Variants in LRRC4C observed in about 807,000 individuals in gnomAD.
The protein encoded by LRRC4C is leucine-rich repeat-containing protein 4C.
A neutral mutation model predicts 33.6 loss-of-function variants in LRRC4C; 5 were observed. The observed-to-expected ratio is 0.15, with a 90% CI of 0.08 to 0.31. LRRC4C has a LOEUF of 0.31. Among genes scored for constraint, LRRC4C ranks in the 10% least tolerant of loss-of-function variants. The probability of loss-of-function intolerance (pLI) is 1.00; values close to 1 mark genes in which losing one functional copy is unlikely to be tolerated. For missense variants in LRRC4C, 560 were observed against 796.7 expected, an observed-to-expected ratio of 0.70 and a Z score of 3.58; for synonymous variants, 329 against 302.0, an observed-to-expected ratio of 1.09 and a Z score of -0.93.
At chr11:41,160,676 T>C (rs1249376233) in intron 1 of LRRC4C, among the ~76,000 whole-genome samples, 1 of 152,150 alleles carries the variant, frequency 6.6e-6, no homozygotes, top group Admixed American at 6.6e-5. Flanking sequence ...GCTGGCTATA[T>C]AAAAATAAAT....
At chr11:40,285,540 T>C (rs574770653) in intron 4 of LRRC4C, among the ~76,000 whole-genome samples, 72 of 152,332 alleles carry the variant, frequency 4.7e-4, no homozygotes, top group African/African-American at 1.7e-3. Context: ...AGATGCCTTA[T>C]AACATTTTGC....
At chr11:40,801,233 G>C (rs1951028827) in intron 2 of LRRC4C, among the ~76,000 whole-genome samples, 1 of 152,046 alleles carries the variant, frequency 6.6e-6, no homozygotes, top group Non-Finnish European at 1.5e-5. Flanking sequence ...CAATTTATGA[G>C]AAAAATTTTA....
intron 2 of LRRC4C, among the ~76,000 whole-genome samples, chr11:40,791,372 C>G (rs1025514158): frequency 5.3e-5 from 8 of 152,068 alleles, no homozygotes; most frequent in Admixed American, 5.2e-4. Flanking sequence ...GTTTGTATGT[C>G]TTGGGAGTTC....
At chr11:40,341,462 C>G (rs186422255) in intron 3 of LRRC4C, among the ~76,000 whole-genome samples, 62 of 150,500 alleles carry the variant, frequency 4.1e-4, no homozygotes, top group African/African-American at 1.4e-3. Context: ...CTGGGTCAAA[C>G]ACTGCATGTT....
chr11:40,154,287 C>CAAAAAAAAAAAAA (rs60017606), intron 5 of LRRC4C, among the ~76,000 whole-genome samples: 7 of 114,194 alleles, frequency 6.1e-5, no homozygotes, highest in Admixed American at 8.7e-5. Flanking sequence ...AGCTAAAAAG[C>CAAAAAAAAAAAAA]AAAAAAAAAA....
chr11:40,201,741 G>T (rs1238445523), intron 5 of LRRC4C, among the ~76,000 whole-genome samples: 8 of 152,184 alleles, frequency 5.3e-5, no homozygotes, highest in Non-Finnish European at 8.8e-5. Flanking sequence ...TCTAGAGGGA[G>T]CAGTGATTTT....
chr11:40,714,940 G>A (rs1389867619), intron 2 of LRRC4C, among the ~76,000 whole-genome samples: 1 of 152,160 alleles, frequency 6.6e-6, no homozygotes, highest in Non-Finnish European at 1.5e-5. Flanking sequence ...GTGGATTAAA[G>A]ACTGACATTT....
At chr11:40,916,092 G>C (rs1265244159) in intron 2 of LRRC4C, among the ~76,000 whole-genome samples, 1 of 152,178 alleles carries the variant, frequency 6.6e-6, no homozygotes, top group Admixed American at 6.5e-5. Context: ...CTTTTACACT[G>C]TTGGTGGGAC....
intron 3 of LRRC4C, among the ~76,000 whole-genome samples, chr11:40,475,611 A>G (rs1953174750): frequency 6.6e-6 from 1 of 152,066 alleles, no homozygotes; most frequent in Non-Finnish European, 1.5e-5. Flanking sequence ...ATAATAATAA[A>G]AATCCAAGTT....
At chr11:40,835,268 C>CA (rs1421508016) in intron 2 of LRRC4C, among the ~76,000 whole-genome samples, 2 of 151,944 alleles carry the variant, frequency 1.3e-5, no homozygotes, top group Non-Finnish European at 2.9e-5. Flanking sequence ...AAGAATAACT[C>CA]AAAAAAACAA....
At chr11:40,970,952 G>A (rs139459392) in intron 1 of LRRC4C, among the ~76,000 whole-genome samples, 9 of 152,310 alleles carry the variant, frequency 5.9e-5, no homozygotes, top group African/African-American at 1.9e-4. Context: ...AAGCACTTAA[G>A]AATTGACCTG....
At chr11:41,151,065 A>T (rs2135965800) in intron 1 of LRRC4C, among the ~76,000 whole-genome samples, 1 of 151,994 alleles carries the variant, frequency 6.6e-6, no homozygotes, top group East Asian at 1.9e-4. Flanking sequence ...ACAACTTCGC[A>T]GTTTTTTTTT....
At chr11:41,067,194 T>C (rs980479121) in intron 1 of LRRC4C, among the ~76,000 whole-genome samples, 2 of 151,976 alleles carry the variant, frequency 1.3e-5, no homozygotes, top group Admixed American at 1.3e-4. Flanking sequence ...AAGATACACA[T>C]GGGCTCAAAA....
At chr11:40,720,308 G>A (rs1477035552) in intron 2 of LRRC4C, among the ~76,000 whole-genome samples, 3 of 151,960 alleles carry the variant, frequency 2.0e-5, no homozygotes, top group Non-Finnish European at 4.4e-5. Context: ...TCATTTTTAG[G>A]TAACCTAGTT....
At chr11:40,991,944 A>C (rs2137260185) in intron 1 of LRRC4C, among the ~76,000 whole-genome samples, 1 of 152,274 alleles carries the variant, frequency 6.6e-6, no homozygotes, top group African/African-American at 2.4e-5. Context: ...CCAGTTCCTA[A>C]GAGGCCACCA....
intron 6 of LRRC4C, among the ~76,000 whole-genome samples, chr11:40,125,698 G>T (rs577414863): frequency 6.6e-6 from 1 of 152,042 alleles, no homozygotes; most frequent in Non-Finnish European, 1.5e-5. Flanking sequence ...TTATAAGAAA[G>T]GTCTGAAGCT....
At chr11:41,320,569 T>C (rs777782490) in intron 1 of LRRC4C, among the ~76,000 whole-genome samples, 2 of 148,646 alleles carry the variant, frequency 1.3e-5, no homozygotes, top group Admixed American at 6.6e-5. Context: ...TTTAGTGTTA[T>C]GAAAAATGAC....
intron 3 of LRRC4C, among the ~76,000 whole-genome samples, chr11:40,346,677 T>G (rs776870701): frequency 5.9e-5 from 9 of 152,230 alleles, no homozygotes; most frequent in Non-Finnish European, 8.8e-5. Flanking sequence ...GTAACAAACC[T>G]GCACATGTGC....
chr11:40,213,589 C>T (rs780726522), intron 5 of LRRC4C, among the ~76,000 whole-genome samples: 23 of 152,082 alleles, frequency 1.5e-4, no homozygotes, highest in African/African-American at 5.1e-4. Flanking sequence ...TCCCAAGATC[C>T]GTCTTCTGTC....
Sources: gnomAD v4.1 joint callset for allele counts (sites outside exome capture counted in the v4.1 genomes callset) on GRCh38, gnomAD v4.1.1 for gene constraint, MANE v1.5 for transcripts, NCBI Gene and HGNC (gene_info 2026-07-23, HGNC 2026-07-21) for gene names.